The following AK5 variants were observed in gnomAD, a reference collection of about 807,000 sequenced individuals.
AK5 encodes the protein adenylate kinase isoenzyme 5.
In AK5, 27 loss-of-function variants were observed where a neutral mutation model predicts 69.5. The ratio of observed to expected loss-of-function variants is 0.39; its 90% CI spans 0.29 to 0.54. AK5 has a LOEUF of 0.54. Ranked by LOEUF, AK5 falls within the 20% of genes least tolerant of loss-of-function variation. The probability of loss-of-function intolerance (pLI) is 0.71; values close to 1 mark genes in which losing one functional copy is unlikely to be tolerated. For missense variants in AK5, 531 were observed against 700.4 expected (o/e 0.76, Z 2.73); for synonymous variants, 260 against 244.4 (o/e 1.06, Z -0.60).
At chr1:77,285,289 ATGTG>A (rs1557461433) in intron 1 of AK5, among the ~76,000 whole-genome samples, 1 of 152,204 alleles carries the variant, frequency 6.6e-6, no homozygotes, top group Non-Finnish European at 1.5e-5. Flanking sequence ...CTCAACTGCA[ATGTG>A]TGTGTATATG....
intron 6 of AK5, among the ~76,000 whole-genome samples, chr1:77,394,970 C>G (rs1469481296): frequency 6.6e-6 from 1 of 152,078 alleles, no homozygotes; most frequent in African/African-American, 2.4e-5. Flanking sequence ...GGACAAGAGA[C>G]CTTTAAATCT....
At chr1:77,486,234 TATATA>T (rs1655577471) in intron 9 of AK5, 69 bp from the exon 10 acceptor site, 4 of 1,000,530 alleles carry the variant, frequency 4.0e-6, no homozygotes, top group Non-Finnish European at 6.0e-6. Context: ...TTTGGGTTTT[TATATA>T]ATATGAGTAA....
At chr1:77,357,676 C>A (rs1253705866) in intron 6 of AK5, among the ~76,000 whole-genome samples, 3 of 152,116 alleles carry the variant, frequency 2.0e-5, no homozygotes, top group Non-Finnish European at 2.9e-5. Context: ...CATGAGAAAC[C>A]TGAAATCCAG....
rs138132955 is a variant in AK5 at position 77,398,708 on chromosome 1, G to C, written c.892-12273G>C. 5.9e-5 allele frequency among the ~76,000 whole-genome samples: 9 copies of C among 151,992 alleles called. No individual in the cohort carries two copies. The East Asian group carries it at 1.7e-3, about 29-fold the overall frequency. On this transcript the variant is annotated intron_variant, in intron 6 of 13. Coordinates refer to ENST00000354567, the MANE Select transcript of AK5 (RefSeq NM_174858.3). Reference sequence around the variant, plus strand: ...ATTTTTCTCATTTTCTCCCTTTAACGCTTTCTTTACCAAGTCATTTCAAAG... The same window carrying C: ...ATTTTTCTCATTTTCTCCCTTTAACCCTTTCTTTACCAAGTCATTTCAAAG...
At chr1:77,305,620 C>T (rs1659592660) in intron 5 of AK5, among the ~76,000 whole-genome samples, 1 of 152,116 alleles carries the variant, frequency 6.6e-6, no homozygotes, top group African/African-American at 2.4e-5. Context: ...AATGGATGTT[C>T]TTGATACCTT....
chr1:77,526,355 C>G (rs895924335), intron 12 of AK5, among the ~76,000 whole-genome samples: 1 of 151,674 alleles, frequency 6.6e-6, no homozygotes, highest in African/African-American at 2.4e-5. Context: ...GTGTTTCAGG[C>G]TTTTCCCACT....
chr1:77,555,744 A>G (rs1209524134), intron 13 of AK5, among the ~76,000 whole-genome samples: 1 of 152,252 alleles, frequency 6.6e-6, no homozygotes, highest in Non-Finnish European at 1.5e-5. Flanking sequence ...AGGTGCCCTT[A>G]TAGCTCCTGT....
At chr1:77,302,348 A>G (rs1048858918) in intron 5 of AK5, among the ~76,000 whole-genome samples, 1 of 152,218 alleles carries the variant, frequency 6.6e-6, no homozygotes, top group African/African-American at 2.4e-5. Flanking sequence ...TAACTATATC[A>G]TAAGTCCTTT....
At chr1:77,365,918 T>A (rs191112587) in intron 6 of AK5, among the ~76,000 whole-genome samples, 108 of 152,314 alleles carry the variant, frequency 7.1e-4, no homozygotes, top group African/African-American at 2.5e-3. Flanking sequence ...TCAAAAGCTA[T>A]ATAATTCATG....
intron 6 of AK5, among the ~76,000 whole-genome samples, chr1:77,358,153 C>A (rs1467810269): frequency 2.0e-5 from 3 of 152,032 alleles, no homozygotes; most frequent in Admixed American, 6.6e-5. Flanking sequence ...CCAGAAATAA[C>A]CATTGTTATC....
intron 5 of AK5, among the ~76,000 whole-genome samples, chr1:77,331,770 T>G (rs1333627551): frequency 6.6e-6 from 1 of 152,206 alleles, no homozygotes; most frequent in Non-Finnish European, 1.5e-5. Context: ...TACAGAAGGC[T>G]TTTGTTAGAT....
chr1:77,388,878 T>A (rs1047381867), intron 6 of AK5, among the ~76,000 whole-genome samples: 4 of 152,162 alleles, frequency 2.6e-5, no homozygotes, highest in African/African-American at 9.7e-5. Flanking sequence ...ATGGACAGTC[T>A]GAATCACAGA....
chr1:77,515,582 G>A (rs781488110), intron 10 of AK5, among the ~76,000 whole-genome samples: 1 of 152,226 alleles, frequency 6.6e-6, no homozygotes, highest in Non-Finnish European at 1.5e-5. Flanking sequence ...GAAGCTTGCA[G>A]GGCCGGCGAC....
Position 77,445,494 on chromosome 1 carries a change from A to G in AK5, c.1059+27779A>G, listed in dbSNP as rs149004829. Among the ~76,000 whole-genome samples the G allele has an allele frequency of 2.7e-3, 417 of 152,310 alleles. 3 individuals are homozygous for G. The highest frequency in any genetic ancestry group is 9.8e-3 in the African/African-American group (408 of 41,564). On this transcript the variant is annotated intron_variant, in intron 8 of 13. Coordinates refer to ENST00000354567, the MANE Select transcript of AK5 (RefSeq NM_174858.3). Reference sequence around the variant, plus strand: ...TCAGCTTATATATTTTCCTGCTACCAGAGTGTATGAGTTCTTTACAAATCT... The same window carrying G: ...TCAGCTTATATATTTTCCTGCTACCGGAGTGTATGAGTTCTTTACAAATCT...
At chr1:77,291,646 T>C (rs1670605) in intron 2 of AK5, among the ~76,000 whole-genome samples, 150,052 of 152,246 alleles carry the variant, frequency 0.99, 73,983 homozygotes, top group Middle Eastern at 1. Flanking sequence ...TTCAGTAAGA[T>C]GTTCTTTTTA....
At chr1:77,425,767 T>C (rs1253055213) in intron 8 of AK5, among the ~76,000 whole-genome samples, 1 of 152,184 alleles carries the variant, frequency 6.6e-6, no homozygotes, top group African/African-American at 2.4e-5. Flanking sequence ...TATATATACT[T>C]ATGATTCTGT....
intron 8 of AK5, among the ~76,000 whole-genome samples, chr1:77,458,550 T>C (rs1194572298): frequency 6.6e-6 from 1 of 152,334 alleles, no homozygotes; most frequent in South Asian, 2.1e-4. Flanking sequence ...CTGGGGAAAC[T>C]TCACAATCAT....
intron 6 of AK5, among the ~76,000 whole-genome samples, chr1:77,373,018 GCTTT>G (rs1426388381): frequency 2.6e-5 from 4 of 152,058 alleles, no homozygotes; most frequent in African/African-American, 7.2e-5. Context: ...AAGCATCTTT[GCTTT>G]CTTTATGTCC....
chr1:77,491,286 T>TA (rs2100737291), intron 10 of AK5, among the ~76,000 whole-genome samples: 1 of 141,648 alleles, frequency 7.1e-6, no homozygotes, highest in Non-Finnish European at 1.5e-5. Context: ...GCCTTATTAT[T>TA]AAAAAAACAT....
Sources: allele counts gnomAD v4.1 joint callset (sites outside exome capture counted in the v4.1 genomes callset), GRCh38; gene constraint gnomAD v4.1.1; transcripts MANE v1.5; gene names NCBI Gene and HGNC (gene_info 2026-07-23, HGNC 2026-07-21).